COL12A1: variants seen among roughly 807,000 people sequenced by gnomAD.
The protein encoded by COL12A1 is collagen alpha-1(XII) chain.
Under a neutral mutation model 349.7 loss-of-function variants are expected in COL12A1, and 114 were observed. That is an observed-to-expected ratio of 0.33 (90% confidence interval 0.28 to 0.38). The LOEUF (loss-of-function observed/expected upper bound fraction) is 0.38, where lower values mean the gene tolerates loss of function less well. Ranked by LOEUF, COL12A1 falls within the 10% of genes least tolerant of loss-of-function variation. The pLI is 1.00. For synonymous variants in COL12A1, 1,369 were observed against 1,329.0 expected (o/e 1.03, Z -0.66); for missense variants, 3,284 against 3,756.9 (o/e 0.87, Z 3.29).
intron 2 of COL12A1, 48 bp from the exon 3 acceptor site, chr6:75,194,995 T>C: frequency 1.9e-6 from 2 of 1,068,824 alleles, no homozygotes; most frequent in Non-Finnish European, 2.8e-6. Flanking sequence ...TGTCACAAAA[T>C]GGTCAATTTA....
Position 75,151,189 on chromosome 6 carries a change from T to C in COL12A1, c.4099A>G (p.Ile1367Val), listed in dbSNP as rs1767464077. The change falls in exon 21 of 66, where the codon ATA becomes GTA. Residue 1367 changes from isoleucine (I) to valine (V), a missense_variant. Physicochemically the swap from Ile to Val is conservative, Grantham distance 29. This residue lies in a region of COL12A1 where 2,601 missense variants were observed against 2,824.8 expected (regional missense o/e 0.92). Coordinates refer to ENST00000322507, the MANE Select transcript of COL12A1 (RefSeq NM_004370.6). Reference protein sequence around the residue: ...NVADFESLSRIVDDLTINLCN... With the variant: ...NVADFESLSRVVDDLTINLCN... ...AAATTAATGGTGAGATCATCCACTATCCTGGAGAGTGACTCAAAATCTGCC... is the reference window on the plus strand; with the variant it reads ...AAATTAATGGTGAGATCATCCACTACCCTGGAGAGTGACTCAAAATCTGCC... 1.9e-6 allele frequency: 3 copies of C among 1,613,246 alleles called. No homozygotes were observed. The highest frequency in any genetic ancestry group is 1.3e-5 in the African/African-American group (1 of 74,800).
At chr6:75,195,018 T>C in intron 2 of COL12A1, 71 bp from the exon 3 acceptor site, 1 of 855,228 alleles carries the variant, frequency 1.2e-6, no homozygotes, top group South Asian at 1.9e-5. Flanking sequence ...TAATAAAGAA[T>C]TGTGTTGAGC....
Position 75,188,437 on chromosome 6 carries a change from T to A in COL12A1, c.922A>T (p.Ile308Phe), listed in dbSNP as rs116980451. 531 of 1,613,648 alleles carry A rather than the reference T, an allele frequency of 3.3e-4. No individual in the cohort carries two copies. The highest frequency in any genetic ancestry group is 4.1e-4 in the Non-Finnish European group (483 of 1,179,666). ...NVANFDAIVD[I>F]QNEIISQVCS... ...ACCTGGGAGATGATCTCATTCTGAA[T>A]ATCCACAATTGCATCAAAGTTGGCC... The change falls in exon 8 of 66, where the codon ATT becomes TTT. Residue 308 changes from isoleucine (I) to phenylalanine (F), a missense_variant. Ile to Phe is a conservative substitution (Grantham distance 21). Coordinates refer to ENST00000322507, the MANE Select transcript of COL12A1 (RefSeq NM_004370.6).
chr6:75,165,793 T>TA lies in COL12A1; in HGVS notation c.2711-15dup, dbSNP rs778182222. 3.7e-6 allele frequency: 6 copies of TA among 1,607,036 alleles called. No individual in the cohort carries two copies. The African/African-American group carries it at 6.7e-5, about 18-fold the overall frequency. ...GAGAACCACGTTCTAGAACAGAAAT[T>TA]AAAAGGGAATCTTTTTTAAAAATGT... On this transcript the variant is annotated splice_polypyrimidine_tract_variant and intron_variant, in intron 13 of 65. Transcript: ENST00000322507.
In COL12A1 at chr6:75,133,372, T is replaced by C. The variant is rs1766408718; in HGVS notation, c.5715A>G (p.Pro1905=). 2 of 1,613,266 alleles carry C rather than the reference T, an allele frequency of 1.2e-6. No individual in the cohort carries two copies. The highest frequency in any genetic ancestry group is 1.3e-5 in the African/African-American group (1 of 75,036). The change falls in exon 34 of 66, where the codon CCA becomes CCG. Residue 1905 remains proline (P), a synonymous_variant. Coordinates refer to ENST00000322507, the MANE Select transcript of COL12A1 (RefSeq NM_004370.6). The part of the protein sequence containing the change: ...TNYAILRNLQ[P]DTSYTVTVVP... ...CTACAGTCACAGTGTATGAGGTATC[T>C]GGCTGCAGATTCCTAAGAATGGCAT...
At chr6:75,145,803 T>C (rs1167006954) in intron 24 of COL12A1, among the ~76,000 whole-genome samples, 1 of 152,014 alleles carries the variant, frequency 6.6e-6, no homozygotes, top group Non-Finnish European at 1.5e-5. Flanking sequence ...GACTAATTTT[T>C]GTATTTTTAG....
At position 75,147,824 on chromosome 6, in the gene COL12A1, A is replaced by T; in HGVS notation, c.4288-20T>A. 1 of 1,610,664 alleles carries T rather than the reference A, an allele frequency of 6.2e-7. No homozygotes were observed. The highest frequency in any genetic ancestry group is 1.1e-5 in the South Asian group (1 of 90,148). On this transcript the variant is annotated intron_variant, in intron 22 of 65. Coordinates refer to ENST00000322507, the MANE Select transcript of COL12A1 (RefSeq NM_004370.6). ...ATAAAACTAGGGGGAAAAATTAAAC[A>T]GAGCAACAACGTATGTATAATCAGT...
At chr6:75,110,957 G>A (rs890811472) in intron 51 of COL12A1, among the ~76,000 whole-genome samples, 1 of 151,846 alleles carries the variant, frequency 6.6e-6, no homozygotes, top group Non-Finnish European at 1.5e-5. Context: ...AATGGGATGG[G>A]GGTATTTTAT....
intron 11 of COL12A1, among the ~76,000 whole-genome samples, chr6:75,180,151 A>G (rs1769188227): frequency 6.6e-6 from 1 of 152,226 alleles, no homozygotes; most frequent in African/African-American, 2.4e-5. Context: ...TGGTGTATAC[A>G]TACAGTGGAA....
At chr6:75,164,948 T>C (rs1329636919) in intron 14 of COL12A1, among the ~76,000 whole-genome samples, 4 of 151,912 alleles carry the variant, frequency 2.6e-5, no homozygotes, top group Non-Finnish European at 5.9e-5. Flanking sequence ...AAAATAAAAA[T>C]AAATAAAAAA....
intron 13 of COL12A1, among the ~76,000 whole-genome samples, chr6:75,173,517 C>T (rs1214361297): frequency 2.0e-5 from 3 of 152,106 alleles, no homozygotes; most frequent in African/African-American, 4.8e-5. Context: ...GCTGGGATTA[C>T]AGGCATGCGC....
At position 75,095,323 on chromosome 6, in the gene COL12A1, T is replaced by C. The variant is rs527966016; in HGVS notation, c.8578-144A>G. The C allele has an allele frequency of 2.0e-5, 13 of 643,152 alleles. No individual in the cohort carries two copies. In the South Asian group the frequency reaches 2.4e-4, roughly 12 times the overall value. The allele number at this position is 643,152 out of a possible 1,614,324, so 39.8% of individuals were successfully genotyped here. A position where few individuals can be genotyped will look rare whatever the true frequency, so the allele number is the denominator to read the frequency against. ...GGAAAAATAAAACCAAATTTTAAGA[T>C]AACATGAAATAGGGCCGGGCGCGGT... On this transcript the variant is annotated intron_variant, in intron 59 of 65. Transcript: ENST00000322507.
rs770953238 is a variant in COL12A1, at chr6:75,148,516, G to A, written c.4148-19C>T. 5 of 1,600,348 alleles carry A rather than the reference G, an allele frequency of 3.1e-6. No homozygotes were observed. In the South Asian group the frequency reaches 5.6e-5, roughly 18 times the overall value. On this transcript the variant is annotated intron_variant, in intron 21 of 65. Transcript: ENST00000322507. ...AAATCACCTACACATGGAAATAAAG[G>A]GTATACACTTTTCTCATTATTGTAG...
At chr6:75,088,915 G>T (rs1767627654) in intron 64 of COL12A1, among the ~76,000 whole-genome samples, 191 bp downstream of exon 64, 1 of 151,832 alleles carries the variant, frequency 6.6e-6, no homozygotes, top group Non-Finnish European at 1.5e-5. Context: ...GCAGAAGAAT[G>T]GCGTGAACCC....
intron 36 of COL12A1, 117 bp downstream of exon 36, chr6:75,130,735 G>T (rs1311035638): frequency 5.4e-6 from 7 of 1,306,062 alleles, no homozygotes; most frequent in Non-Finnish European, 7.4e-6. Context: ...AAATGTAGGG[G>T]ATCCCAGGCA....
intron 57 of COL12A1, 56 bp downstream of exon 57, chr6:75,101,943 C>T: frequency 6.3e-7 from 1 of 1,588,512 alleles, no homozygotes; most frequent in Non-Finnish European, 8.6e-7. Context: ...TTTTGAGGCA[C>T]TAGAAAAGGA....
chr6:75,117,220 T>C (rs1349769224), intron 47 of COL12A1, among the ~76,000 whole-genome samples, 162 bp downstream of exon 47: 4 of 152,164 alleles, frequency 2.6e-5, no homozygotes, highest in Non-Finnish European at 5.9e-5. Flanking sequence ...AAGCACACAT[T>C]TAGCATGATC....
intron 32 of COL12A1, 141 bp from the exon 33 acceptor site, chr6:75,134,138 CA>C (rs1766458003): frequency 1.1e-6 from 1 of 871,706 alleles, no homozygotes; most frequent in South Asian, 1.8e-5. Context: ...ATAAACGACA[CA>C]CACTGTGTCC....
intron 30 of COL12A1, among the ~76,000 whole-genome samples, 181 bp downstream of exon 30, chr6:75,138,139 C>T (rs1766713842): frequency 6.6e-6 from 1 of 152,122 alleles, no homozygotes; most frequent in Non-Finnish European, 1.5e-5. Context: ...GATCAATACA[C>T]TCCAAAACAA....
Sources: gnomAD v4.1 joint callset for allele counts (sites outside exome capture counted in the v4.1 genomes callset) on GRCh38, gnomAD v4.1.1 for gene constraint, gnomAD v4.1.1 regional missense constraint, MANE v1.5 for transcripts, NCBI Gene and HGNC (gene_info 2026-07-23, HGNC 2026-07-21) for gene names.